The following MYO3A variants were observed in gnomAD, a reference collection of about 807,000 sequenced individuals.
MYO3A encodes the protein myosin IIIA.
MYO3A carries 180 observed loss-of-function variants against 192.7 expected under a neutral mutation model. That is an observed-to-expected ratio of 0.93 (90% confidence interval 0.83 to 1.06). The LOEUF is 1.06. Ranked by LOEUF, MYO3A falls within the 50% of genes least tolerant of loss-of-function variation. The probability of loss-of-function intolerance (pLI) is 0.00; values close to 1 mark genes in which losing one functional copy is unlikely to be tolerated. For synonymous variants in MYO3A, 628 were observed against 645.3 expected, an observed-to-expected ratio of 0.97 and a Z score of 0.41; for missense variants, 1,896 against 1,905.0, an observed-to-expected ratio of 1.00 and a Z score of 0.09.
chr10:26,079,839 G>T (rs957424280), intron 14 of MYO3A, among the ~76,000 whole-genome samples: 2 of 152,186 alleles, frequency 1.3e-5, no homozygotes, highest in Non-Finnish European at 2.9e-5. Context: ...GGAGGCTGAA[G>T]ATAGGGTCCC....
At chr10:26,208,798 A>T (rs1295831223) in intron 34 of MYO3A, among the ~76,000 whole-genome samples, 1 of 152,082 alleles carries the variant, frequency 6.6e-6, no homozygotes, top group African/African-American at 2.4e-5. Flanking sequence ...GGCATATTCC[A>T]TCTGCAGGCT....
intron 10 of MYO3A, among the ~76,000 whole-genome samples, chr10:26,047,703 A>G (rs565071457): frequency 4.6e-5 from 7 of 152,208 alleles, no homozygotes; most frequent in Non-Finnish European, 8.8e-5. Flanking sequence ...TGAACCCGGG[A>G]GGTGGAGCTT....
intron 17 of MYO3A, among the ~76,000 whole-genome samples, chr10:26,110,245 C>T (rs968710449): frequency 1.3e-5 from 2 of 152,184 alleles, no homozygotes; most frequent in African/African-American, 4.8e-5. Context: ...ATATCTACTA[C>T]ACTGCAGCTG....
At position 26,160,485 on chromosome 10, in the gene MYO3A, AT is replaced by A. The variant is rs541199891; in HGVS notation, c.2999+2978del. Among the ~76,000 whole-genome samples, 662 of 152,064 alleles carry A rather than the reference AT, an allele frequency of 4.4e-3. 4 individuals carry two copies. Among genetic ancestry groups the A allele is most frequent in the African/African-American group, 0.015 (639 of 41,464 alleles). On this transcript the variant is annotated intron_variant, in intron 26 of 34. Transcript: ENST00000642920. The stretch of plus-strand genomic sequence containing the variant: ...TAGCAAGACCCCATCTCTAAAAACA[AT>A]TTTTTTTAATTAGCTGGGTGTGGTG...
intron 17 of MYO3A, among the ~76,000 whole-genome samples, chr10:26,118,691 G>A (rs1324022372): frequency 6.6e-6 from 1 of 151,606 alleles, no homozygotes; most frequent in Non-Finnish European, 1.5e-5. Flanking sequence ...GAGTACAGTG[G>A]CACGATCTCG....
At chr10:26,071,808 G>A (rs1835224331) in intron 14 of MYO3A, among the ~76,000 whole-genome samples, 1 of 152,124 alleles carries the variant, frequency 6.6e-6, no homozygotes, top group Non-Finnish European at 1.5e-5. Context: ...AAAACCACAA[G>A]AAAACACTAT....
chr10:25,979,412 CAA>C (rs75596181), intron 4 of MYO3A, among the ~76,000 whole-genome samples: 14 of 125,636 alleles, frequency 1.1e-4, no homozygotes, highest in Non-Finnish European at 1.2e-4. Flanking sequence ...CTTCTATTAC[CAA>C]AAAAAAAAAA....
chr10:26,189,845 C>A (rs1843040944), intron 31 of MYO3A, among the ~76,000 whole-genome samples: 1 of 152,008 alleles, frequency 6.6e-6, no homozygotes, highest in African/African-American at 2.4e-5. Flanking sequence ...GCGAGATCAC[C>A]TGAGGTCAAG....
intron 10 of MYO3A, among the ~76,000 whole-genome samples, chr10:26,034,722 C>T (rs1331780843): frequency 6.6e-6 from 1 of 151,842 alleles, no homozygotes; most frequent in Non-Finnish European, 1.5e-5. Context: ...ATAATACTAA[C>T]AAAGGCTGAT....
intron 6 of MYO3A, among the ~76,000 whole-genome samples, chr10:26,001,830 T>G (rs1174418132): frequency 1.3e-5 from 2 of 152,046 alleles, no homozygotes; most frequent in Non-Finnish European, 2.9e-5. Context: ...AAAACTTATT[T>G]TAAAAAATTA....
At chr10:26,116,001 A>G (rs1838480296) in intron 17 of MYO3A, among the ~76,000 whole-genome samples, 1 of 152,202 alleles carries the variant, frequency 6.6e-6, no homozygotes, top group African/African-American at 2.4e-5. Context: ...CACTAATATG[A>G]TCTTTACTGT....
intron 2 of MYO3A, among the ~76,000 whole-genome samples, chr10:25,939,318 C>T (rs1421458190): frequency 6.6e-6 from 1 of 151,920 alleles, no homozygotes; most frequent in Non-Finnish European, 1.5e-5. Context: ...AGAACTATTA[C>T]ATTTATGAAT....
intron 27 of MYO3A, among the ~76,000 whole-genome samples, chr10:26,166,396 G>T (rs1841753788): frequency 6.6e-6 from 1 of 152,080 alleles, no homozygotes; most frequent in South Asian, 2.1e-4. Flanking sequence ...AATACAAAAG[G>T]CTGGGCAAGG....
chr10:26,021,224 G>T (rs180882277), intron 7 of MYO3A, among the ~76,000 whole-genome samples: 2 of 151,986 alleles, frequency 1.3e-5, no homozygotes, highest in African/African-American at 4.8e-5. Flanking sequence ...TTTGGGACAC[G>T]ATTTCTTTCC....
chr10:26,148,704 G>T (rs1355561667), intron 23 of MYO3A, among the ~76,000 whole-genome samples: 1 of 152,078 alleles, frequency 6.6e-6, no homozygotes, highest in Admixed American at 6.5e-5. Context: ...TACAAGTTTT[G>T]CACATCCTTT....
At chr10:26,070,960 G>C (rs1835169062) in intron 14 of MYO3A, among the ~76,000 whole-genome samples, 1 of 151,996 alleles carries the variant, frequency 6.6e-6, no homozygotes, top group South Asian at 2.1e-4. Flanking sequence ...ATATTATTAA[G>C]ACGTCAGTCT....
At chr10:26,057,223 A>G (rs12784526) in intron 10 of MYO3A, among the ~76,000 whole-genome samples, 71,891 of 152,048 alleles carry the variant, frequency 0.47, 17,846 homozygotes, top group Middle Eastern at 0.59. Flanking sequence ...GATTGTTAAA[A>G]TTTGAGAAAA....
intron 4 of MYO3A, among the ~76,000 whole-genome samples, chr10:25,973,244 T>A (rs1245501934): frequency 1.3e-5 from 2 of 152,144 alleles, no homozygotes; most frequent in South Asian, 2.1e-4. Flanking sequence ...TTTGTAGCAA[T>A]CGTGAATGGG....
At chr10:25,988,579 C>T (rs1472708030) in intron 4 of MYO3A, among the ~76,000 whole-genome samples, 2 of 152,088 alleles carry the variant, frequency 1.3e-5, no homozygotes, top group African/African-American at 2.4e-5. Context: ...AGTTTCCTCT[C>T]TTTGTACTTA....
Sources: allele counts gnomAD v4.1 joint callset (sites outside exome capture counted in the v4.1 genomes callset), GRCh38; gene constraint gnomAD v4.1.1; transcripts MANE v1.5; gene names NCBI Gene and HGNC (gene_info 2026-07-23, HGNC 2026-07-21).